SMYD2: variants seen among roughly 807,000 people sequenced by gnomAD.
The protein encoded by SMYD2 is N-lysine methyltransferase SMYD2.
Under a neutral mutation model 59.1 loss-of-function variants are expected in SMYD2, and 53 were observed. The ratio of observed to expected loss-of-function variants is 0.90; its 90% CI spans 0.72 to 1.13. The LOEUF (loss-of-function observed/expected upper bound fraction) is 1.13, where lower values mean the gene tolerates loss of function less well. SMYD2 is among the 50% of genes most tolerant of loss of function. The pLI, the probability that SMYD2 is intolerant of heterozygous loss-of-function variation, is 0.00. For missense variants in SMYD2, 494 were observed against 544.7 expected, an observed-to-expected ratio of 0.91 and a Z score of 0.93; for synonymous variants, 208 against 198.8, an observed-to-expected ratio of 1.05 and a Z score of -0.39.
chr1:214,304,757 T>C (rs979358871), intron 1 of SMYD2, among the ~76,000 whole-genome samples: 3 of 152,142 alleles, frequency 2.0e-5, no homozygotes, highest in Non-Finnish European at 4.4e-5. Flanking sequence ...TCCATCTTCA[T>C]GGGGTCAAAC....
intron 3 of SMYD2, 108 bp from the exon 4 acceptor site, chr1:214,317,970 CT>C: frequency 1.9e-6 from 2 of 1,071,672 alleles, no homozygotes; most frequent in Admixed American, 3.7e-5. Flanking sequence ...GTTTTACTTC[CT>C]TAAGAATTGT....
chr1:214,281,264 G>A lies in SMYD2; in HGVS notation c.10G>A (p.Glu4Lys), dbSNP rs1365011763. Reference protein sequence around the residue: MRAEGLGGLERFCS... With the variant: MRAKGLGGLERFCS... ...GCGCCCCGCCGCCACCATGAGGGCC[G>A]AGGGCCTCGGCGGCCTGGAGCGCTT... The change falls in exon 1 of 12, where the codon GAG becomes AAG. Residue 4 changes from glutamate to lysine, a missense_variant. Glu to Lys is a moderately conservative substitution (Grantham distance 56). Transcript: ENST00000366957. 1 of 1,264,512 alleles carries A rather than the reference G, an allele frequency of 7.9e-7. No homozygotes were observed. Among genetic ancestry groups the A allele is most frequent in the Non-Finnish European group, 1.0e-6 (1 of 997,926 alleles). The allele number at this position is 1,264,512 out of a possible 1,614,324, so 78.3% of individuals were successfully genotyped here.
At chr1:214,287,815 A>G (rs529993813) in intron 1 of SMYD2, among the ~76,000 whole-genome samples, 3 of 152,300 alleles carry the variant, frequency 2.0e-5, no homozygotes, top group South Asian at 4.1e-4. Flanking sequence ...ATAAGAAAAA[A>G]CAAATATTTA....
intron 3 of SMYD2, among the ~76,000 whole-genome samples, chr1:214,316,663 T>C (rs998669451): frequency 2.0e-5 from 3 of 152,166 alleles, no homozygotes; most frequent in Non-Finnish European, 2.9e-5. Flanking sequence ...TAAACAGAAG[T>C]AGAACATTTC....
At chr1:214,330,779 T>C (rs887177848) in intron 8 of SMYD2, among the ~76,000 whole-genome samples, 171 bp from the exon 9 acceptor site, 2 of 152,242 alleles carry the variant, frequency 1.3e-5, no homozygotes, top group Non-Finnish European at 2.9e-5. Flanking sequence ...AAAAAGGTAA[T>C]GGAGTACTGA....
intron 2 of SMYD2, among the ~76,000 whole-genome samples, chr1:214,309,904 T>A (rs1473077929): frequency 6.6e-6 from 1 of 152,208 alleles, no homozygotes; most frequent in Non-Finnish European, 1.5e-5. Context: ...TGGTCAGGTG[T>A]CCACCTGATT....
chr1:214,301,769 TAAAA>T lies in SMYD2; in HGVS notation c.174-3403_174-3400del, dbSNP rs56102481. Among the ~76,000 whole-genome samples, 263 of 133,288 alleles carry T rather than the reference TAAAA, an allele frequency of 2.0e-3. 1 individual carries two copies. Among genetic ancestry groups the T allele is most frequent in the Middle Eastern group, 3.9e-3 (1 of 254 alleles). 87.4% of individuals were successfully genotyped at this position (133,288 alleles called of 152,430 possible). On this transcript the variant is annotated intron_variant, in intron 1 of 11. Transcript: ENST00000366957. Reference sequence around the variant, plus strand: ...TTTATCTAAAACTGTTCTTTCAAGTTAAAAAAAAAAAAAAAAAAGCCAGGAATTT... The same window carrying T: ...TTTATCTAAAACTGTTCTTTCAAGTTAAAAAAAAAAAAAAGCCAGGAATTT...
chr1:214,284,831 C>T (rs971863370), intron 1 of SMYD2, among the ~76,000 whole-genome samples: 8 of 152,078 alleles, frequency 5.3e-5, no homozygotes, highest in African/African-American at 1.9e-4. Context: ...ATATTTTAAC[C>T]CCCAATGTGA....
chr1:214,337,031 TGGAC>T lies in SMYD2; in HGVS notation c.*248_*251del. 1 of 385,142 alleles carries T rather than the reference TGGAC, an allele frequency of 2.6e-6. No individual in the cohort carries two copies. The highest frequency in any genetic ancestry group is 6.8e-4 in the Middle Eastern group (1 of 1,478). The allele number at this position is 385,142 out of a possible 1,614,324, so 23.9% of individuals were successfully genotyped here. A position where few individuals can be genotyped will look rare whatever the true frequency, so the allele number is the denominator to read the frequency against. ...TGGCATGGTTTCATATGTTATACTTTGGACAGACAGAGTTTTAAAAATGGAATTA... is the reference window on the plus strand; with the variant it reads ...TGGCATGGTTTCATATGTTATACTTTAGACAGAGTTTTAAAAATGGAATTA... On this transcript the variant is annotated 3_prime_UTR_variant, in exon 12 of 12. Transcript: ENST00000366957.
At chr1:214,319,764 A>G (rs1458091531) in intron 5 of SMYD2, among the ~76,000 whole-genome samples, 2 of 152,174 alleles carry the variant, frequency 1.3e-5, no homozygotes, top group Non-Finnish European at 2.9e-5. Flanking sequence ...GATGCCCTCT[A>G]CAAACTGGGC....
intron 9 of SMYD2, chr1:214,331,602 A>C: frequency 5.5e-6 from 1 of 180,644 alleles, no homozygotes. Flanking sequence ...AAGGGATTCG[A>C]TTTGTACTCT....
intron 2 of SMYD2, 144 bp downstream of exon 2, chr1:214,305,394 C>T (rs891998492): frequency 5.1e-6 from 4 of 789,582 alleles, no homozygotes; most frequent in South Asian, 3.4e-5. Flanking sequence ...GTGCTGACCC[C>T]GACCTCACAG....
intron 6 of SMYD2, among the ~76,000 whole-genome samples, chr1:214,326,237 C>CAAAA (rs35269144): frequency 1.1e-5 from 1 of 90,758 alleles, no homozygotes; most frequent in African/African-American, 4.3e-5. Context: ...GACTCCATCT[C>CAAAA]AAAAAAAAAA....
intron 2 of SMYD2, among the ~76,000 whole-genome samples, chr1:214,305,928 C>T (rs186607269): frequency 1.1e-4 from 17 of 152,290 alleles, no homozygotes; most frequent in Non-Finnish European, 2.2e-4. Context: ...ACAAAATGTT[C>T]GTAGGTATTC....
Position 214,318,736 on chromosome 1 carries a change from T to G in SMYD2, c.410-123T>G. 1.3e-5 allele frequency: 15 copies of G among 1,129,982 alleles called. No homozygotes were observed. The highest frequency in any genetic ancestry group is 1.6e-5 in the South Asian group (1 of 60,894). The allele number at this position is 1,129,982 out of a possible 1,614,324, so 70.0% of individuals were successfully genotyped here. ...AAGAATGTTCTCTGGGGGTTCAACA[T>G]GTTAGTTTTGGGTTTTTTTTTTTTC... On this transcript the variant is annotated intron_variant, in intron 4 of 11. Coordinates refer to ENST00000366957, the MANE Select transcript of SMYD2 (RefSeq NM_020197.3). The surrounding 1 kb of genome is among the most constrained non-coding windows in gnomAD (Gnocchi z 5.4).
At chr1:214,281,582 C>T (rs1159170188) in intron 1 of SMYD2, among the ~76,000 whole-genome samples, 155 bp downstream of exon 1, 1 of 151,416 alleles carries the variant, frequency 6.6e-6, no homozygotes, top group Non-Finnish European at 1.5e-5. Flanking sequence ...CCCCGCGCTG[C>T]GGCCCCGCGC....
chr1:214,303,973 C>G (rs905291113), intron 1 of SMYD2, among the ~76,000 whole-genome samples: 3 of 152,208 alleles, frequency 2.0e-5, no homozygotes, highest in Admixed American at 2.0e-4. Flanking sequence ...CTGACTTAGA[C>G]AATGTAATTG....
In SMYD2 at chr1:214,281,275, C is replaced by G. The variant is rs1656436463; in HGVS notation, c.21C>G (p.Gly7=). MRAEGL[G]GLERFCSPGK... is the part of the protein sequence containing the mutation. ...CCACCATGAGGGCCGAGGGCCTCGG[C>G]GGCCTGGAGCGCTTCTGCAGCCCGG... The change falls in exon 1 of 12, where the codon GGC becomes GGG. Residue 7 remains glycine (G), a synonymous_variant. Transcript: ENST00000366957. 1 of 1,292,336 alleles carries G rather than the reference C, an allele frequency of 7.7e-7. No homozygotes were observed. The highest frequency in any genetic ancestry group is 1.5e-5 in the African/African-American group (1 of 64,688). The allele number at this position is 1,292,336 out of a possible 1,614,324, so 80.1% of individuals were successfully genotyped here.
intron 2 of SMYD2, among the ~76,000 whole-genome samples, chr1:214,310,842 C>G (rs1656988925): frequency 6.6e-6 from 1 of 152,130 alleles, no homozygotes; most frequent in Admixed American, 6.6e-5. Flanking sequence ...TGGACCATCT[C>G]TATGATAGAA....
Sources: gnomAD v4.1 joint callset for allele counts (sites outside exome capture counted in the v4.1 genomes callset) on GRCh38, gnomAD v4.1.1 for gene constraint, Gnocchi (gnomAD v3.1) non-coding constraint, MANE v1.5 for transcripts, NCBI Gene and HGNC (gene_info 2026-07-23, HGNC 2026-07-21) for gene names.